Variants in SCN3A observed in about 807,000 individuals in gnomAD.
SCN3A encodes the protein sodium voltage-gated channel alpha subunit 3.
Under a neutral mutation model 187.6 loss-of-function variants are expected in SCN3A, and 60 were observed. That is an observed-to-expected ratio of 0.32 (90% CI 0.26 to 0.40). SCN3A has a LOEUF of 0.40. Ranked by LOEUF, SCN3A falls within the 10% of genes least tolerant of loss-of-function variation. The pLI is 1.00. For missense variants in SCN3A, 1,601 were observed against 2,428.2 expected (o/e 0.66, Z 7.16); for synonymous variants, 788 against 829.2 (o/e 0.95, Z 0.85).
chr2:165,191,067 T>C (rs1438934131), intron 1 of SCN3A, among the ~76,000 whole-genome samples: 2 of 151,496 alleles, frequency 1.3e-5, no homozygotes, highest in Admixed American at 6.6e-5. Context: ...GTTGTTTTTT[T>C]TTTTTTTTTT....
chr2:165,164,950 A>T (rs189430210), intron 5 of SCN3A, among the ~76,000 whole-genome samples: 7 of 152,160 alleles, frequency 4.6e-5, no homozygotes, highest in African/African-American at 1.7e-4. Flanking sequence ...CTAAAATATG[A>T]AAATTCAACA....
chr2:165,120,948 A>C (rs1254235659), intron 18 of SCN3A, among the ~76,000 whole-genome samples: 1 of 152,148 alleles, frequency 6.6e-6, no homozygotes, highest in Non-Finnish European at 1.5e-5. Context: ...GGTATGTGAA[A>C]CTGAAAATAA....
At chr2:165,112,249 G>T (rs2105704881) in intron 21 of SCN3A, among the ~76,000 whole-genome samples, 1 of 152,254 alleles carries the variant, frequency 6.6e-6, no homozygotes, top group East Asian at 1.9e-4. Flanking sequence ...TTCCATAATT[G>T]GCAATGTTCC....
At chr2:165,137,771 G>A in intron 15 of SCN3A, 108 bp downstream of exon 15, 1 of 837,702 alleles carries the variant, frequency 1.2e-6, no homozygotes, top group East Asian at 2.4e-5. Flanking sequence ...TTTCTATGAG[G>A]AAAGAGGATA....
At chr2:165,124,008 TATTCTAGCTTTATAA>T (rs1273535647) in intron 18 of SCN3A, among the ~76,000 whole-genome samples, 1 of 152,126 alleles carries the variant, frequency 6.6e-6, no homozygotes, top group Admixed American at 6.5e-5. Context: ...TTTGAAATTT[TATTCTAGCTTTATAA>T]AAATATATAC....
rs544336862 is a variant in SCN3A, at chr2:165,133,870, A to G, written c.2392-2453T>C. On this transcript the variant is annotated intron_variant, in intron 15 of 27. Transcript: ENST00000283254. Reference sequence around the variant, plus strand: ...ATTTATTTCTGGGTAGTATCGCATCAGGAACAAATCCACATATTACTGAAA... The same window carrying G: ...ATTTATTTCTGGGTAGTATCGCATCGGGAACAAATCCACATATTACTGAAA... Among the ~76,000 whole-genome samples the G allele has an allele frequency of 2.0e-5, 3 of 152,302 alleles. No homozygotes were observed. In the South Asian group the frequency reaches 6.2e-4, roughly 32 times the overall value.
intron 21 of SCN3A, 64 bp downstream of exon 21, chr2:165,112,821 C>T (rs1686185361): frequency 2.9e-6 from 4 of 1,387,462 alleles, no homozygotes; most frequent in Admixed American, 3.4e-5. Context: ...ATAACAGAAA[C>T]ATATGAAATG....
rs190374607 is a variant in SCN3A, at chr2:165,105,752, A to C, written c.3844-5328T>G. Among the ~76,000 whole-genome samples, 647 of 152,166 alleles carry C rather than the reference A, an allele frequency of 4.3e-3. 2 individuals carry two copies. Among genetic ancestry groups the C allele is most frequent in the Non-Finnish European group, 7.2e-3 (491 of 67,994 alleles). On this transcript the variant is annotated intron_variant, in intron 21 of 27. Coordinates refer to ENST00000283254, the MANE Select transcript of SCN3A (RefSeq NM_006922.4). ...GGTGGCTCATGCATGTAATCCCAGC[A>C]CTTTGGGAGACTGAAGCAGGAGGGT...
At chr2:165,154,731 TTAGATA>T in intron 10 of SCN3A, 73 bp from the exon 11 acceptor site, 1 of 1,419,564 alleles carries the variant, frequency 7.0e-7, no homozygotes, top group Non-Finnish European at 9.9e-7. Flanking sequence ...ATTACCACAG[TTAGATA>T]GTCAGTAGAC....
chr2:165,156,017 G>T, intron 9 of SCN3A, 114 bp from the exon 10 acceptor site: 2 of 1,310,352 alleles, frequency 1.5e-6, no homozygotes, highest in East Asian at 2.3e-5. Flanking sequence ...GAATTATCTT[G>T]CTTTAATTTC....
intron 15 of SCN3A, 74 bp downstream of exon 15, chr2:165,137,805 C>T: frequency 8.4e-7 from 1 of 1,184,532 alleles, no homozygotes; most frequent in Non-Finnish European, 1.3e-6. Context: ...CAACACAGCA[C>T]AAATACATCT....
intron 12 of SCN3A, among the ~76,000 whole-genome samples, chr2:165,143,807 A>G (rs1386848962): frequency 1.3e-5 from 2 of 152,334 alleles, no homozygotes; most frequent in Non-Finnish European, 2.9e-5. Flanking sequence ...AATTAGGTCT[A>G]TAAGACACAG....
Position 165,089,980 on chromosome 2 carries a change from G to T in SCN3A, c.*170C>A. The T allele has an allele frequency of 1.2e-6, 1 of 846,484 alleles. No homozygotes were observed. Among genetic ancestry groups the T allele is most frequent in the Non-Finnish European group, 1.8e-6 (1 of 560,372 alleles). 52.4% of individuals were successfully genotyped at this position (846,484 alleles called of 1,614,324 possible). On this transcript the variant is annotated 3_prime_UTR_variant, in exon 28 of 28. Coordinates refer to ENST00000283254, the MANE Select transcript of SCN3A (RefSeq NM_006922.4). ...GTCAATGTTGATACCCTGCTTCACA[G>T]AGTTGCAGTGACAGAGAGGTCACTT...
At chr2:165,164,650 A>C in intron 5 of SCN3A, 130 bp from the exon 6 acceptor site, 1 of 1,013,922 alleles carries the variant, frequency 9.9e-7, no homozygotes, top group Non-Finnish European at 1.5e-6. Flanking sequence ...ACTTCTATTT[A>C]CCAAATAATC....
chr2:165,106,300 T>C (rs1685854481), intron 21 of SCN3A, among the ~76,000 whole-genome samples: 1 of 152,202 alleles, frequency 6.6e-6, no homozygotes, highest in Non-Finnish European at 1.5e-5. Context: ...ATTTGGCAAT[T>C]TAAAGATGAT....
At chr2:165,150,325 C>T (rs573260106) in intron 11 of SCN3A, among the ~76,000 whole-genome samples, 6 of 152,170 alleles carry the variant, frequency 3.9e-5, no homozygotes, top group African/African-American at 1.4e-4. Flanking sequence ...TTTGAAGAGT[C>T]GTAGGTGGTT....
intron 1 of SCN3A, among the ~76,000 whole-genome samples, chr2:165,187,431 A>C (rs1691314442): frequency 6.6e-6 from 1 of 152,234 alleles, no homozygotes; most frequent in Non-Finnish European, 1.5e-5. Context: ...TAATTCTAAA[A>C]TCAGTAACTG....
chr2:165,100,174 C>G, intron 22 of SCN3A, 128 bp downstream of exon 22: 1 of 1,160,434 alleles, frequency 8.6e-7, no homozygotes, highest in Non-Finnish European at 1.3e-6. Context: ...TTTGTGATAT[C>G]TAAGATTTTT....
intron 11 of SCN3A, among the ~76,000 whole-genome samples, chr2:165,147,761 C>A (rs1414007462): frequency 6.6e-6 from 1 of 152,124 alleles, no homozygotes; most frequent in Non-Finnish European, 1.5e-5. Context: ...TATTTTCTTT[C>A]TATATTGCAG....
Sources: gnomAD v4.1 joint callset for allele counts (sites outside exome capture counted in the v4.1 genomes callset) on GRCh38, gnomAD v4.1.1 for gene constraint, MANE v1.5 for transcripts, NCBI Gene and HGNC (gene_info 2026-07-23, HGNC 2026-07-21) for gene names.